The following FBXL18 variants were observed in gnomAD, a reference collection of about 807,000 sequenced individuals.
FBXL18 encodes the protein F-box/LRR-repeat protein 18.
Under a neutral mutation model 46.0 loss-of-function variants are expected in FBXL18, and 36 were observed. That is an observed-to-expected ratio of 0.78 (90% CI 0.60 to 1.03). The LOEUF is 1.03. FBXL18 is among the 50% of genes least tolerant of loss of function. The probability of loss-of-function intolerance (pLI) is 0.00; values close to 1 mark genes in which losing one functional copy is unlikely to be tolerated. For missense variants in FBXL18, 977 were observed against 1,004.1 expected (o/e 0.97, Z 0.36); for synonymous variants, 557 against 465.3 (o/e 1.20, Z -2.54).
chr7:5,463,164 G>T lies in FBXL18; in HGVS notation c.2001-15321C>A, dbSNP rs533056840. On this transcript the variant is annotated intron_variant and NMD_transcript_variant, in intron 4 of 6. Transcript: ENST00000415009. ...GACAGAAAACAGCAAGTGTTGGCAA[G>T]CACATGAAGATATTGGAACCCTCAA... Among the ~76,000 whole-genome samples, 3 of 151,010 alleles carry T rather than the reference G, an allele frequency of 2.0e-5. No individual in the cohort carries two copies. The South Asian group carries it at 6.3e-4, about 32-fold the overall frequency.
intron 4 of FBXL18, among the ~76,000 whole-genome samples, chr7:5,482,860 A>G (rs1245278834): frequency 1.3e-5 from 2 of 151,920 alleles, no homozygotes; most frequent in African/African-American, 4.8e-5. Flanking sequence ...ACATAGGGAG[A>G]CTTTGTCTCT....
chr7:5,462,981 T>A (rs1397907503), intron 4 of FBXL18, among the ~76,000 whole-genome samples: 553 of 42,352 alleles, frequency 0.013, 5 homozygotes, highest in Middle Eastern at 0.032. Context: ...TATATATATA[T>A]ATATATATAT....
chr7:5,492,495 G>C (rs1783955206), intron 3 of FBXL18, among the ~76,000 whole-genome samples: 1 of 151,928 alleles, frequency 6.6e-6, no homozygotes, highest in African/African-American at 2.4e-5. Context: ...CTGGAGGGAC[G>C]GGCTGAGGCG....
At chr7:5,470,703 GGGGAGA>G (rs1783414426) in intron 4 of FBXL18, among the ~76,000 whole-genome samples, 7 of 1,176 alleles carry the variant, frequency 6.0e-3, no homozygotes, top group Non-Finnish European at 7.0e-3. Context: ...CCTTCCCGGG[GGGGAGA>G]TGTCCCCTTC....
chr7:5,470,861 G>C (rs1394662823), downstream of FBXL18, among the ~76,000 whole-genome samples: 1 of 152,168 alleles, frequency 6.6e-6, no homozygotes, highest in African/African-American at 2.4e-5. Flanking sequence ...CCTGGAGATG[G>C]CGGTGGCTGA....
rs4724704 is a variant in FBXL18, at chr7:5,502,026, G to A, written c.243C>T (p.Ser81=). Residue 81 remains serine, a synonymous_variant, in exon 3 of 5, where the codon AGC becomes AGT. Transcript: ENST00000382368. ...TCACCAGCTGCCTCACTTTGTCCTCGCTCGCCTGCGGGACAGAGGCAGGGT... is the reference window on the plus strand; with the variant it reads ...TCACCAGCTGCCTCACTTTGTCCTCACTCGCCTGCGGGACAGAGGCAGGGT... The part of the protein sequence containing the change: ...TVLLQKDYQA[S]EDKVRQLVKE... The A allele has an allele frequency of 0.62, 987,148 of 1,584,272 alleles. 309,960 individuals carry two copies. The highest frequency in any genetic ancestry group is 0.81 in the African/African-American group (60,242 of 74,676).
At chr7:5,498,534 C>T (rs1260539658) in intron 3 of FBXL18, among the ~76,000 whole-genome samples, 4 of 152,106 alleles carry the variant, frequency 2.6e-5, no homozygotes, top group Admixed American at 6.5e-5. Flanking sequence ...GGATTACAGG[C>T]GTGAGCCGCC....
At position 5,501,557 on chromosome 7, in the gene FBXL18, C is replaced by T. The variant is rs766346057; in HGVS notation, c.712G>A (p.Ala238Thr). ...ACCTCCTGGTTGATGTAGCCGGGGG[C>T]CAGGCGCGCATAGAAGACCCGCAGG... is the stretch of plus-strand genomic sequence containing the variant. The part of the protein sequence containing the change: ...QNLRVFYARL[A>T]PGYINQEVVR... The change falls in exon 3 of 5, where the codon GCC becomes ACC. Residue 238 changes from alanine (A) to threonine (T), a missense_variant. Physicochemically the swap from Ala to Thr is moderately conservative, Grantham distance 58. Transcript: ENST00000382368. 5 of 1,613,698 alleles carry T rather than the reference C, an allele frequency of 3.1e-6. No homozygotes were observed. The highest frequency in any genetic ancestry group is 4.5e-5 in the East Asian group (2 of 44,882).
At chr7:5,490,835 T>A (rs28742950) in intron 4 of FBXL18, among the ~76,000 whole-genome samples, 1 of 152,192 alleles carries the variant, frequency 6.6e-6, no homozygotes, top group African/African-American at 2.4e-5. Context: ...GGCGCAGGCC[T>A]GTAATCCCAG....
intron 4 of FBXL18, among the ~76,000 whole-genome samples, chr7:5,456,080 G>A (rs117213630): frequency 2.8e-4 from 42 of 151,954 alleles, no homozygotes; most frequent in Non-Finnish European, 4.4e-4. Context: ...GCACTGGCCC[G>A]GTCACCCCAC....
At position 5,500,837 on chromosome 7, in the gene FBXL18, G is replaced by A. The variant is rs766513422; in HGVS notation, c.1432C>T (p.Leu478=). The A allele has an allele frequency of 1.9e-6, 3 of 1,611,780 alleles. No individual in the cohort carries two copies. The highest frequency in any genetic ancestry group is 1.7e-6 in the Non-Finnish European group (2 of 1,179,208). ...CPQPSSVFWS[L]LKNLPFLEHL... ...TCCAGGAAGGGCAGGTTCTTCAGCA[G>A]AGACCAGAACACGGAGGAGGGCTGG... The change falls in exon 3 of 5, where the codon CTG becomes TTG. Residue 478 remains leucine (L), a synonymous_variant. Transcript: ENST00000382368.
downstream of FBXL18, among the ~76,000 whole-genome samples, chr7:5,474,138 T>A (rs1032445890): frequency 2.0e-5 from 3 of 151,742 alleles, no homozygotes; most frequent in African/African-American, 7.3e-5. Flanking sequence ...GTCAAACTCA[T>A]AGGGACAGGA....
intron 4 of FBXL18, among the ~76,000 whole-genome samples, chr7:5,464,673 A>G (rs1477109250): frequency 4.3e-5 from 6 of 139,308 alleles, no homozygotes; most frequent in African/African-American, 1.7e-4. Flanking sequence ...CAAAAAAAAA[A>G]AAAAAAAAAA....
chr7:5,463,557 T>C (rs1783288259), intron 4 of FBXL18, among the ~76,000 whole-genome samples: 2 of 151,324 alleles, frequency 1.3e-5, no homozygotes, highest in South Asian at 4.2e-4. Context: ...AGGTCAAGGC[T>C]GTAGTGAACC....
intron 4 of FBXL18, among the ~76,000 whole-genome samples, chr7:5,460,196 G>C (rs1226410058): frequency 6.6e-6 from 1 of 152,106 alleles, no homozygotes; most frequent in Non-Finnish European, 1.5e-5. Flanking sequence ...GGAGGTTGCA[G>C]TGAGCCAAGA....
intron 3 of FBXL18, among the ~76,000 whole-genome samples, chr7:5,492,163 G>C (rs1055373418): frequency 6.7e-6 from 1 of 149,954 alleles, no homozygotes; most frequent in African/African-American, 2.5e-5. Flanking sequence ...GAGAACCCAG[G>C]GGAAAGGGGA....
chr7:5,509,020 C>T (rs2966437), intron 1 of FBXL18, among the ~76,000 whole-genome samples: 13,699 of 151,918 alleles, frequency 0.09, 636 homozygotes, highest in Admixed American at 0.11. Context: ...TGATGAAACC[C>T]CATCTCCACT....
At chr7:5,475,148 G>A (rs1164160376), downstream of FBXL18, among the ~76,000 whole-genome samples, 4 of 151,176 alleles carry the variant, frequency 2.6e-5, no homozygotes, top group Non-Finnish European at 5.9e-5. This position sits in a 1 kb window ranked among gnomAD's most constrained non-coding sequence, Gnocchi z 4.2. Context: ...GCGAAACCCC[G>A]TCTCTACTGA....
downstream of FBXL18, among the ~76,000 whole-genome samples, chr7:5,474,832 C>G (rs543417810): frequency 8.4e-3 from 1,260 of 150,784 alleles, 23 homozygotes; most frequent in African/African-American, 0.029. Context: ...CTCAGCCTCC[C>G]GAGCAGCTGG....
Sources: allele counts gnomAD v4.1 joint callset (sites outside exome capture counted in the v4.1 genomes callset), GRCh38; gene constraint gnomAD v4.1.1; non-coding constraint Gnocchi (gnomAD v3.1); transcripts MANE v1.5; gene names NCBI Gene and HGNC (gene_info 2026-07-23, HGNC 2026-07-21).